Variants in BCAS3 observed in about 807,000 individuals in gnomAD.
The protein encoded by BCAS3 is BCAS4/BCAS3 fusion.
A neutral mutation model predicts 116.1 loss-of-function variants in BCAS3; 53 were observed. The ratio of observed to expected loss-of-function variants is 0.46; its 90% CI spans 0.37 to 0.57. BCAS3 has a LOEUF of 0.57. BCAS3 is among the 20% of genes least tolerant of loss of function. BCAS3 has a pLI of 0.00. For missense variants in BCAS3, 917 were observed against 1,165.4 expected (o/e 0.79, Z 3.10); for synonymous variants, 391 against 408.2 (o/e 0.96, Z 0.51).
intron 4 of BCAS3, among the ~76,000 whole-genome samples, chr17:60,693,450 C>A (rs2035143305): frequency 6.6e-6 from 1 of 151,454 alleles, no homozygotes; most frequent in African/African-American, 2.4e-5. Flanking sequence ...ACTTTTTCAC[C>A]CAGGCTGGAG....
chr17:61,093,428 A>G (rs1439800029), intron 22 of BCAS3, among the ~76,000 whole-genome samples: 1 of 152,122 alleles, frequency 6.6e-6, no homozygotes, highest in Non-Finnish European at 1.5e-5. Context: ...CTGTACAAAA[A>G]GTACAAAAAT....
chr17:61,372,866 A>G (rs1309693539), intron 23 of BCAS3, among the ~76,000 whole-genome samples: 1 of 152,156 alleles, frequency 6.6e-6, no homozygotes, highest in African/African-American at 2.4e-5. Context: ...TAAACAAAAC[A>G]TTGACTTATT....
rs1217553733 is a variant in BCAS3, at chr17:61,020,796, A to G, written c.1637+4895A>G. ...AGCTTAATTTTATCTGCTTAAATCT[A>G]AAATTATTTATATTTCCAAATTATT... On this transcript the variant is annotated intron_variant, in intron 16 of 23. Transcript: ENST00000407086. The surrounding 1 kb of genome is among the most constrained non-coding windows in gnomAD (Gnocchi z 4.5). 6.6e-6 allele frequency among the ~76,000 whole-genome samples: 1 copy of G among 152,230 alleles called. No individual in the cohort carries two copies. The highest frequency in any genetic ancestry group is 2.4e-5 in the African/African-American group (1 of 41,456).
At chr17:60,970,963 A>G (rs2061926229) in intron 14 of BCAS3, among the ~76,000 whole-genome samples, 3 of 152,234 alleles carry the variant, frequency 2.0e-5, no homozygotes, top group Admixed American at 6.5e-5. Flanking sequence ...TTGAATGGAT[A>G]TGAAACAGTG....
chr17:60,707,441 G>A (rs957024925), intron 4 of BCAS3, among the ~76,000 whole-genome samples: 2 of 152,122 alleles, frequency 1.3e-5, no homozygotes, highest in Admixed American at 1.3e-4. Context: ...TTGGGGGATG[G>A]GGGGTACTTA....
chr17:60,849,729 T>C (rs996142299), intron 7 of BCAS3, among the ~76,000 whole-genome samples: 1 of 152,074 alleles, frequency 6.6e-6, no homozygotes, highest in Non-Finnish European at 1.5e-5. Flanking sequence ...GAGTGAAAAG[T>C]ACAGTGGTCT....
In BCAS3 at chr17:61,388,585, A is replaced by G. The variant is rs1388155875; in HGVS notation, c.2594-3392A>G. 1.3e-6 allele frequency: 2 copies of G among 1,523,904 alleles called. No individual in the cohort carries two copies. Among genetic ancestry groups the G allele is most frequent in the Middle Eastern group, 1.7e-4 (1 of 5,940 alleles). The allele number at this position is 1,523,904 out of a possible 1,614,324, so 94.4% of individuals were successfully genotyped here. A position where few individuals can be genotyped will look rare whatever the true frequency, so the allele number is the denominator to read the frequency against. On this transcript the variant is annotated intron_variant, in intron 23 of 23. Transcript: ENST00000407086. The surrounding 1 kb of genome is among the most constrained non-coding windows in gnomAD (Gnocchi z 6.5). ...CTCAATCGTTGTCCATATCTTTTCC[A>G]AAAAGATTCCTCAATGCTTTTCTTT... is the stretch of plus-strand genomic sequence containing the variant.
chr17:61,314,656 G>A (rs1443442488), intron 22 of BCAS3, among the ~76,000 whole-genome samples: 1 of 152,216 alleles, frequency 6.6e-6, no homozygotes, highest in Non-Finnish European at 1.5e-5. Context: ...TGCCAAGCCT[G>A]AAATAGTAAT....
chr17:60,787,619 G>T (rs971608265), intron 6 of BCAS3, among the ~76,000 whole-genome samples: 1 of 152,234 alleles, frequency 6.6e-6, no homozygotes, highest in South Asian at 2.1e-4. Context: ...GTTAAGTGCT[G>T]TGAAGAAACA....
chr17:61,003,469 T>C (rs893036862), intron 15 of BCAS3, among the ~76,000 whole-genome samples: 1 of 149,596 alleles, frequency 6.7e-6, no homozygotes, highest in Non-Finnish European at 1.5e-5. Flanking sequence ...TCTTTGCCTT[T>C]TTAAATCGAG....
intron 14 of BCAS3, among the ~76,000 whole-genome samples, chr17:60,977,398 A>C (rs1428031531): frequency 6.6e-6 from 1 of 151,920 alleles, no homozygotes; most frequent in Non-Finnish European, 1.5e-5. Context: ...GTCCAGGCTT[A>C]TCTCTCTGGC....
At chr17:60,931,908 A>G (rs1342675687) in intron 13 of BCAS3, among the ~76,000 whole-genome samples, 3 of 152,068 alleles carry the variant, frequency 2.0e-5, no homozygotes, top group Non-Finnish European at 2.9e-5. Context: ...CTCTGTCTCT[A>G]CAAAAAATAC....
intron 6 of BCAS3, among the ~76,000 whole-genome samples, chr17:60,752,921 T>G (rs1410119463): frequency 6.6e-6 from 1 of 152,162 alleles, no homozygotes; most frequent in Non-Finnish European, 1.5e-5. Flanking sequence ...CCTAGCTCAC[T>G]GAAGCCTCAA....
At chr17:60,911,123 C>CTTTTTTTTTTTT (rs1162942971) in intron 12 of BCAS3, among the ~76,000 whole-genome samples, 1,941 of 88,156 alleles carry the variant, frequency 0.022, 89 homozygotes, top group African/African-American at 0.027. Context: ...TTTTTTCTTT[C>CTTTTTTTTTTTT]TTTTTTTTTT....
intron 14 of BCAS3, among the ~76,000 whole-genome samples, chr17:60,953,760 T>C (rs2060971630): frequency 6.9e-6 from 1 of 145,266 alleles, no homozygotes; most frequent in Admixed American, 6.9e-5. Context: ...TGAGATGAAG[T>C]CTCGTTTTTG....
chr17:61,099,503 T>C (rs2074189508), intron 22 of BCAS3, among the ~76,000 whole-genome samples: 1 of 152,252 alleles, frequency 6.6e-6, no homozygotes, highest in Non-Finnish European at 1.5e-5. Flanking sequence ...CCTTATGTTA[T>C]GATCACTATT....
In BCAS3 at chr17:60,990,596, T is replaced by C. The variant is rs564975934; in HGVS notation, c.1486+361T>C. Among the ~76,000 whole-genome samples the C allele has an allele frequency of 6.6e-6, 1 of 152,234 alleles. No homozygotes were observed. Among genetic ancestry groups the C allele is most frequent in the South Asian group, 2.1e-4 (1 of 4,832 alleles). ...ACTATAGTTTATTAAGAAATATTCA[T>C]TGTTGGAAAGAAATAGTCATGGGTA... is the stretch of plus-strand genomic sequence containing the variant. On this transcript the variant is annotated intron_variant, in intron 15 of 23. Transcript: ENST00000407086. This position sits in a 1 kb window ranked among gnomAD's most constrained non-coding sequence, Gnocchi z 5.1.
At chr17:60,851,366 C>T in intron 7 of BCAS3, 2 of 362,246 alleles carry the variant, frequency 5.5e-6, no homozygotes, top group Non-Finnish European at 1.1e-5. Flanking sequence ...TGGCACACGT[C>T]CTCCCCGCCA....
chr17:61,245,648 A>G (rs909273279), intron 22 of BCAS3, among the ~76,000 whole-genome samples: 2 of 152,230 alleles, frequency 1.3e-5, no homozygotes, highest in Non-Finnish European at 2.9e-5. Context: ...TGTTCAAATC[A>G]AAGTTGTAGA....
Sources: allele counts gnomAD v4.1 joint callset (sites outside exome capture counted in the v4.1 genomes callset), GRCh38; gene constraint gnomAD v4.1.1; non-coding constraint Gnocchi (gnomAD v3.1); transcripts MANE v1.5; gene names NCBI Gene and HGNC (gene_info 2026-07-23, HGNC 2026-07-21).